Variants in TMEM117 observed in about 807,000 individuals in gnomAD.
TMEM117 encodes transmembrane protein 117.
In TMEM117, 27 loss-of-function variants were observed where a neutral mutation model predicts 52.4. That is an observed-to-expected ratio of 0.51 (90% CI 0.38 to 0.71). The LOEUF (loss-of-function observed/expected upper bound fraction) is 0.71. TMEM117 is among the 30% of genes least tolerant of loss of function. The probability of loss-of-function intolerance (pLI) is 0.00; values close to 1 mark genes in which losing one functional copy is unlikely to be tolerated. For synonymous variants in TMEM117, 215 were observed against 206.3 expected (o/e 1.04, Z -0.36); for missense variants, 556 against 630.5 (o/e 0.88, Z 1.26).
intron 3 of TMEM117, among the ~76,000 whole-genome samples, chr12:44,042,476 A>T (rs1254892235): frequency 1.3e-5 from 2 of 152,002 alleles, no homozygotes; most frequent in African/African-American, 4.8e-5. Context: ...GCCAAAAGAG[A>T]TTAACATTTG....
chr12:44,086,698 A>G (rs1326888749), intron 3 of TMEM117, among the ~76,000 whole-genome samples: 2 of 152,102 alleles, frequency 1.3e-5, no homozygotes, highest in Non-Finnish European at 2.9e-5. Context: ...CAAATGGTCA[A>G]GGGCCATTTG....
intron 2 of TMEM117, among the ~76,000 whole-genome samples, chr12:43,865,180 C>T (rs945193478): frequency 6.6e-6 from 1 of 152,134 alleles, no homozygotes; most frequent in Admixed American, 6.5e-5. Flanking sequence ...ACCAAGAACC[C>T]ACCAATTCCG....
intron 6 of TMEM117, among the ~76,000 whole-genome samples, chr12:44,367,947 A>G (rs1451028814): frequency 2.0e-5 from 3 of 152,088 alleles, no homozygotes; most frequent in African/African-American, 7.2e-5. Context: ...AACTACTGCA[A>G]CAGTCTCCTA....
chr12:43,991,056 G>A (rs751105844), intron 3 of TMEM117, among the ~76,000 whole-genome samples: 10 of 152,094 alleles, frequency 6.6e-5, no homozygotes, highest in Non-Finnish European at 1.2e-4. Context: ...AGGTATTTCC[G>A]TTTGCCCTGT....
the TMEM117 span, chr12:43,800,342 T>G: frequency 1.2e-6 from 1 of 808,794 alleles, no homozygotes. Context: ...TTTCAGATTA[T>G]CCATCTGAAT....
chr12:44,022,319 G>C (rs1946467551), intron 3 of TMEM117, among the ~76,000 whole-genome samples: 1 of 152,124 alleles, frequency 6.6e-6, no homozygotes, highest in South Asian at 2.1e-4. Context: ...CAGAAAGGCT[G>C]TAAAACAATG....
At chr12:44,385,160 C>T (rs1952072101) in intron 7 of TMEM117, among the ~76,000 whole-genome samples, 1 of 152,146 alleles carries the variant, frequency 6.6e-6, no homozygotes, top group Non-Finnish European at 1.5e-5. Flanking sequence ...TCATTTCCAG[C>T]CTGCAGCTTT....
intron 5 of TMEM117, among the ~76,000 whole-genome samples, chr12:44,239,356 C>T (rs1950034974): frequency 1.3e-5 from 2 of 152,100 alleles, no homozygotes. Context: ...GGTAATTCAA[C>T]AAGCTACAAC....
intron 3 of TMEM117, among the ~76,000 whole-genome samples, chr12:44,137,526 C>T (rs1336340887): frequency 1.3e-5 from 2 of 152,064 alleles, no homozygotes; most frequent in African/African-American, 4.8e-5. Context: ...TCCATTTTCA[C>T]GCTGCTGATA....
chr12:44,239,576 G>A (rs1295459154), intron 5 of TMEM117, among the ~76,000 whole-genome samples: 3 of 152,028 alleles, frequency 2.0e-5, no homozygotes, highest in Non-Finnish European at 4.4e-5. Flanking sequence ...AATTTGTTCA[G>A]TATTCAGTTA....
chr12:44,333,250 A>C (rs1442639673), intron 6 of TMEM117, among the ~76,000 whole-genome samples: 1 of 152,058 alleles, frequency 6.6e-6, no homozygotes, highest in Non-Finnish European at 1.5e-5. Context: ...TTTATTTGAT[A>C]AGAGCTTTTT....
intron 5 of TMEM117, among the ~76,000 whole-genome samples, chr12:44,291,129 G>A (rs1016220230): frequency 1.4e-4 from 22 of 152,254 alleles, no homozygotes; most frequent in African/African-American, 4.8e-5. Flanking sequence ...TCTGAAGATA[G>A]GAAGTATTCC....
At chr12:44,371,789 A>T (rs1951866970) in intron 6 of TMEM117, among the ~76,000 whole-genome samples, 1 of 152,208 alleles carries the variant, frequency 6.6e-6, no homozygotes, top group African/African-American at 2.4e-5. Context: ...GATCTTGCCT[A>T]CATATTTAAC....
At chr12:44,185,253 A>G (rs757645550) in intron 4 of TMEM117, among the ~76,000 whole-genome samples, 8 of 152,242 alleles carry the variant, frequency 5.3e-5, no homozygotes, top group Non-Finnish European at 1.0e-4. Flanking sequence ...AATACAAAGC[A>G]TGATTGCTGA....
the TMEM117 span, among the ~76,000 whole-genome samples, chr12:43,796,403 A>AAT: frequency 1.3e-5 from 2 of 152,108 alleles, no homozygotes; most frequent in African/African-American, 4.8e-5. Flanking sequence ...AGGGCTCAAG[A>AAT]ATATATATCT....
intron 3 of TMEM117, among the ~76,000 whole-genome samples, chr12:44,064,015 T>C (rs1366279671): frequency 6.6e-6 from 1 of 152,066 alleles, no homozygotes; most frequent in Non-Finnish European, 1.5e-5. Context: ...GTTTTTATGC[T>C]AGGTGAATTT....
chr12:44,095,506 T>G (rs1592511301), intron 3 of TMEM117, among the ~76,000 whole-genome samples: 1 of 151,956 alleles, frequency 6.6e-6, no homozygotes. Flanking sequence ...ATGGAAGATA[T>G]GTGTTTAGTT....
intron 2 of TMEM117, among the ~76,000 whole-genome samples, chr12:43,891,157 A>G (rs1268134234): frequency 6.6e-6 from 1 of 151,908 alleles, no homozygotes; most frequent in Non-Finnish European, 1.5e-5. Flanking sequence ...CTACTTTTAA[A>G]ATAATGGCCC....
At chr12:43,873,039 A>G (rs986429777) in intron 2 of TMEM117, among the ~76,000 whole-genome samples, 1 of 152,238 alleles carries the variant, frequency 6.6e-6, no homozygotes, top group African/African-American at 2.4e-5. Context: ...CAAAGGTGCC[A>G]TGAGAAATAA....
Sources: gnomAD v4.1 joint callset for allele counts (sites outside exome capture counted in the v4.1 genomes callset) on GRCh38, gnomAD v4.1.1 for gene constraint, MANE v1.5 for transcripts, NCBI Gene and HGNC (gene_info 2026-07-23, HGNC 2026-07-21) for gene names.